PAN2: variants seen among roughly 807,000 people sequenced by gnomAD.
PAN2 encodes the protein PAN2-PAN3 deadenylation complex catalytic subunit PAN2.
In PAN2, 68 loss-of-function variants were observed where a neutral mutation model predicts 133.3. The ratio of observed to expected loss-of-function variants is 0.51; its 90% CI spans 0.42 to 0.62. The LOEUF (loss-of-function observed/expected upper bound fraction) is 0.62. Ranked by LOEUF, PAN2 falls within the 20% of genes least tolerant of loss-of-function variation. The pLI is 0.00. For synonymous variants in PAN2, 462 were observed against 544.6 expected, an observed-to-expected ratio of 0.85 and a Z score of 2.11; for missense variants, 1,042 against 1,500.5, an observed-to-expected ratio of 0.69 and a Z score of 5.05.
chr12:56,332,625 G>A, intron 2 of PAN2, 188 bp downstream of exon 2: 1 of 527,584 alleles, frequency 1.9e-6, no homozygotes, highest in South Asian at 2.6e-5. Context: ...AAAAAGGGAT[G>A]CCTCCTGAGA....
rs374590758 is a variant in PAN2, at chr12:56,328,366, G to C, written c.453-8C>G. The C allele has an allele frequency of 6.3e-7, 1 of 1,592,490 alleles. No homozygotes were observed. The highest frequency in any genetic ancestry group is 8.6e-7 in the Non-Finnish European group (1 of 1,168,120). On this transcript the variant is annotated splice_polypyrimidine_tract_variant and splice_region_variant and intron_variant, in intron 3 of 25. Coordinates refer to ENST00000440411, the MANE Select transcript of PAN2 (RefSeq NM_014871.6). ...TCCTCATTCTCATCCAGCCTGGTGGGGAGAGGAAAGGCTAAGGGGCCCAGG... is the reference window on the plus strand; with the variant it reads ...TCCTCATTCTCATCCAGCCTGGTGGCGAGAGGAAAGGCTAAGGGGCCCAGG...
chr12:56,318,630 T>A, intron 24 of PAN2, 196 bp from the exon 25 acceptor site: 1 of 563,306 alleles, frequency 1.8e-6, no homozygotes, highest in South Asian at 2.4e-5. Context: ...TAACTGAGGG[T>A]CTCCCCTACT....
Position 56,319,001 on chromosome 12 carries a change from G to T in PAN2, c.3364+87C>A. On this transcript the variant is annotated intron_variant, in intron 24 of 25. Transcript: ENST00000440411. This position sits in a 1 kb window ranked among gnomAD's most constrained non-coding sequence, Gnocchi z 5.4. ...TATGATGGCCCACAGCTCCATCCAT[G>T]TTGCCGCAAAGAACATGATTTCTTT... 1 of 1,290,660 alleles carries T rather than the reference G, an allele frequency of 7.7e-7. No homozygotes were observed. The highest frequency in any genetic ancestry group is 1.1e-6 in the Non-Finnish European group (1 of 893,086). 80.0% of individuals were successfully genotyped at this position (1,290,660 alleles called of 1,614,324 possible). A position where few individuals can be genotyped will look rare whatever the true frequency, so the allele number is the denominator to read the frequency against.
Position 56,322,722 on chromosome 12 carries a change from A to G in PAN2, c.2530T>C (p.Tyr844His). Residue 844 changes from tyrosine (Y) to histidine (H), a missense_variant, in exon 18 of 26, where the codon TAT (tyrosine) becomes CAT (histidine). Tyr to His is a moderately conservative substitution (Grantham distance 83). Around this residue, in one of 3 missense-constraint regions of PAN2, gnomAD observed 908 missense variants for 1,223.5 expected, o/e 0.74. Coordinates refer to ENST00000440411, the MANE Select transcript of PAN2 (RefSeq NM_014871.6). Reference sequence around the variant, plus strand: ...ACAGTAGCCATCAGGTCATACACATAGACACCATGCTCCTCCTCTGCCCTG... The same window carrying G: ...ACAGTAGCCATCAGGTCATACACATGGACACCATGCTCCTCCTCTGCCCTG... ...PARAEEEHGV[Y>H]VYDLMATVVH... 6.2e-7 allele frequency: 1 copy of G among 1,614,026 alleles called. No individual in the cohort carries two copies. Among genetic ancestry groups the G allele is most frequent in the Non-Finnish European group, 8.5e-7 (1 of 1,179,972 alleles).
Position 56,322,158 on chromosome 12 carries a change from A to G in PAN2, c.2708T>C (p.Val903Ala). The G allele has an allele frequency of 6.3e-7, 1 of 1,598,530 alleles. No individual in the cohort carries two copies. Among genetic ancestry groups the G allele is most frequent in the Non-Finnish European group, 8.6e-7 (1 of 1,165,896 alleles). ...TACTTTCCAATTCATGTCAAACTGC[A>G]CAGCTTCATGCTATAGAAGAGAAAA... is the stretch of plus-strand genomic sequence containing the variant. ...LIEPIDKHEA[V>A]QFDMNWKVPA... The change falls in exon 20 of 26, where the codon GTG becomes GCG. Residue 903 changes from valine (V) to alanine (A), a missense_variant. Coordinates refer to ENST00000440411, the MANE Select transcript of PAN2 (RefSeq NM_014871.6).
Position 56,328,531 on chromosome 12 carries a change from A to G in PAN2, c.393T>C (p.Phe131=), listed in dbSNP as rs759817193. The stretch of plus-strand genomic sequence containing the variant: ...TATACTTGAGGTTGTTCTTGGTGAG[A>G]AAAAGGATACCATTCTCCAGGCTCT... ...QIQSLENGIL[F]LTKNNLKYMA... The change falls in exon 3 of 26, where the codon TTT becomes TTC. Residue 131 remains phenylalanine (F), a synonymous_variant. Transcript: ENST00000440411. 4 of 1,614,114 alleles carry G rather than the reference A, an allele frequency of 2.5e-6. No individual in the cohort carries two copies. The highest frequency in any genetic ancestry group is 4.5e-5 in the East Asian group (2 of 44,892).
In PAN2 at chr12:56,326,390, C is replaced by G. The variant is rs1028812161; in HGVS notation, c.1282G>C (p.Ala428Pro). The G allele has an allele frequency of 6.3e-6, 10 of 1,598,268 alleles. No individual in the cohort carries two copies. In the Admixed American group the frequency reaches 6.8e-5, roughly 11 times the overall value. The change falls in exon 8 of 26, where the codon GCA (alanine) becomes CCA (proline). Residue 428 changes from alanine (A) to proline (P), a missense_variant. Ala to Pro is a conservative substitution (Grantham distance 27). Coordinates refer to ENST00000440411, the MANE Select transcript of PAN2 (RefSeq NM_014871.6). ...TTCTTCATGGTGCGCAGAATCTCTG[C>G]ATCCACGGGTGGTGCTCGCCTACAA... is the stretch of plus-strand genomic sequence containing the variant. ...PAPRRAPPVDAEILRTMKKVG... is the reference protein window; with the variant it reads ...PAPRRAPPVDPEILRTMKKVG...
chr12:56,326,317 T>G lies in PAN2; in HGVS notation c.1355A>C (p.Asn452Thr), dbSNP rs201494448. ...YAPNPRTRLR[N>T]QIPYRLKESD... ...GACCCTCCACTCTGAACACACCTGA[T>G]TGCGCAGCCTGGTGCGGGGATTGGG... The change falls in exon 8 of 26, where the codon AAT (asparagine) becomes ACT (threonine). Residue 452 changes from asparagine (N) to threonine (T), a missense_variant. Physicochemically the swap from Asn to Thr is moderately conservative, Grantham distance 65 (BLOSUM62 0). Transcript: ENST00000440411. 6.3e-7 allele frequency: 1 copy of G among 1,596,624 alleles called. No individual in the cohort carries two copies. The highest frequency in any genetic ancestry group is 8.6e-7 in the Non-Finnish European group (1 of 1,166,918).
rs34174579 is a variant in PAN2, at chr12:56,333,047, G to A, written c.48C>T (p.Ala16=). The A allele has an allele frequency of 2.3e-3, 3,648 of 1,614,124 alleles. 74 individuals carry two copies. In the African/African-American group the frequency reaches 0.042, roughly 19 times the overall value. ...LDPGLAEYAP[A]MHSALDPVLD... is the part of the protein sequence containing the mutation. ...AGACAGGGTCCAGGGCAGAATGCAT[G>A]GCTGGGGCATATTCTGCCAGTCCAG... The change falls in exon 2 of 26, where the codon GCC becomes GCT. Residue 16 remains alanine, a synonymous_variant. Transcript: ENST00000440411.
intron 24 of PAN2, among the ~76,000 whole-genome samples, 165 bp downstream of exon 24, chr12:56,318,923 A>G (rs548925828): frequency 8.5e-5 from 13 of 152,294 alleles, no homozygotes; most frequent in African/African-American, 2.9e-4. Flanking sequence ...GTTCCAACTT[A>G]TAAGTGAGAA....
At chr12:56,322,893 G>C in intron 17 of PAN2, 135 bp from the exon 18 acceptor site, 13 of 1,251,360 alleles carry the variant, frequency 1.0e-5, no homozygotes, top group Non-Finnish European at 1.3e-5. Context: ...AGCCCATCTA[G>C]GACCCCAACA....
rs906408383 is a variant in PAN2 at position 56,327,239 on chromosome 12, C to G, written c.919+125G>C. On this transcript the variant is annotated intron_variant, in intron 6 of 25. Coordinates refer to ENST00000440411, the MANE Select transcript of PAN2 (RefSeq NM_014871.6). ...ATCTCTGGCCAAACCCAAGTAAAAC[C>G]TTGGGACCCTGATGAAAGGTTACTT... is the stretch of plus-strand genomic sequence containing the variant. 3.7e-6 allele frequency: 4 copies of G among 1,079,072 alleles called. No individual in the cohort carries two copies. In the African/African-American group the frequency reaches 6.3e-5, roughly 17 times the overall value. The allele number at this position is 1,079,072 out of a possible 1,614,324, so 66.8% of individuals were successfully genotyped here.
chr12:56,319,260 T>C lies in PAN2; in HGVS notation c.3270+48A>G, dbSNP rs753871107. 5.6e-6 allele frequency: 9 copies of C among 1,612,104 alleles called. No homozygotes were observed. The Admixed American group carries it at 1.3e-4, about 24-fold the overall frequency. On this transcript the variant is annotated intron_variant, in intron 23 of 25. Coordinates refer to ENST00000440411, the MANE Select transcript of PAN2 (RefSeq NM_014871.6). This position sits in a 1 kb window ranked among gnomAD's most constrained non-coding sequence, Gnocchi z 5.4. The stretch of plus-strand genomic sequence containing the variant: ...TTCTCTAAAGGCACAATGTATACCC[T>C]GAGGGGCCCACTCTCACAAGAAGAC...
At chr12:56,322,389 A>C (rs1003535627) in intron 19 of PAN2, 34 bp downstream of exon 19, 2 of 1,549,938 alleles carry the variant, frequency 1.3e-6, no homozygotes, top group African/African-American at 2.7e-5. Context: ...GAAAAGGGGA[A>C]ATGAAAGAAG....
Position 56,319,811 on chromosome 12 carries a change from C to T in PAN2, c.2947-47G>A, listed in dbSNP as rs76141417. On this transcript the variant is annotated intron_variant, in intron 21 of 25. Coordinates refer to ENST00000440411, the MANE Select transcript of PAN2 (RefSeq NM_014871.6). This position sits in a 1 kb window ranked among gnomAD's most constrained non-coding sequence, Gnocchi z 5.4. ...GGAAATCAGAGAAATGCTTACAACTCCTAATATCCTCAGCGTTCTCTTCCA... is the reference window on the plus strand; with the variant it reads ...GGAAATCAGAGAAATGCTTACAACTTCTAATATCCTCAGCGTTCTCTTCCA... 1.2e-6 allele frequency: 2 copies of T among 1,613,232 alleles called. No individual in the cohort carries two copies. Among genetic ancestry groups the T allele is most frequent in the Admixed American group, 3.3e-5 (2 of 59,948 alleles).
chr12:56,322,904 C>T, intron 17 of PAN2, 146 bp from the exon 18 acceptor site: 2 of 1,262,486 alleles, frequency 1.6e-6, no homozygotes, highest in East Asian at 2.4e-5. Context: ...GACCCCAACA[C>T]TGAACTGAGT....
intron 20 of PAN2, 33 bp from the exon 21 acceptor site, chr12:56,320,054 G>A (rs1358753882): frequency 1.2e-6 from 2 of 1,610,674 alleles, no homozygotes; most frequent in Non-Finnish European, 1.7e-6. Context: ...CACAGGGCTT[G>A]GATAGGGAAG....
rs1430820868 is a variant in PAN2 at position 56,332,954 on chromosome 12, C to A, written c.141G>T (p.Glu47Asp). The change falls in exon 2 of 26, where the codon GAG (glutamate) becomes GAT (aspartate). Residue 47 changes from glutamate to aspartate, a missense_variant. By Grantham distance (45) the Glu-to-Asp change is conservative. Transcript: ENST00000440411. ...GCACTGATTCCTGGACGGGAAGAGC[C>A]TCCAAGGCCACTCCCTCTGGGTCCA... The part of the protein sequence containing the change: ...VELDPEGVAL[E>D]ALPVQESVHI... 1 of 1,614,090 alleles carries A rather than the reference C, an allele frequency of 6.2e-7. No homozygotes were observed. Among genetic ancestry groups the A allele is most frequent in the African/African-American group, 1.3e-5 (1 of 74,942 alleles).
rs1432837821 is a variant in PAN2 at position 56,326,653 on chromosome 12, G to T, written c.1226C>A (p.Ser409Tyr). Reference protein sequence around the residue: ...PVPLTTDTLLSDWPAANSAPA... With the variant: ...PVPLTTDTLLYDWPAANSAPA... The stretch of plus-strand genomic sequence containing the variant: ...AGCAGAGTTGGCAGCAGGCCAATCA[G>T]AGAGAAGTGTGTCAGTGGTGAGTGG... The change falls in exon 7 of 26, where the codon TCT becomes TAT. Residue 409 changes from serine to tyrosine, a missense_variant. Around this residue, in one of 3 missense-constraint regions of PAN2, gnomAD observed 908 missense variants for 1,223.5 expected, o/e 0.74. Coordinates refer to ENST00000440411, the MANE Select transcript of PAN2 (RefSeq NM_014871.6). 3 of 1,613,920 alleles carry T rather than the reference G, an allele frequency of 1.9e-6. No individual in the cohort carries two copies. In the South Asian group the frequency reaches 3.3e-5, roughly 18 times the overall value.
Sources: gnomAD v4.1 joint callset for allele counts (sites outside exome capture counted in the v4.1 genomes callset) on GRCh38, gnomAD v4.1.1 for gene constraint, gnomAD v4.1.1 regional missense constraint, Gnocchi (gnomAD v3.1) non-coding constraint, MANE v1.5 for transcripts, NCBI Gene and HGNC (gene_info 2026-07-23, HGNC 2026-07-21) for gene names.